DNAH5: variants seen among roughly 807,000 people sequenced by gnomAD.
DNAH5 encodes the protein axonemal beta dynein heavy chain 5.
In DNAH5, 372 loss-of-function variants were observed where a neutral mutation model predicts 518.2. The observed-to-expected ratio is 0.72, with a 90% CI of 0.66 to 0.78. The LOEUF is 0.78. Ranked by LOEUF, DNAH5 falls within the 30% of genes least tolerant of loss-of-function variation. DNAH5 has a pLI of 0.00. For synonymous variants in DNAH5, 2,039 were observed against 2,025.9 expected (o/e 1.01, Z -0.17); for missense variants, 5,523 against 5,687.0 (o/e 0.97, Z 0.93).
intron 69 of DNAH5, among the ~76,000 whole-genome samples, chr5:13,728,190 C>T (rs889247609): frequency 6.6e-6 from 1 of 152,162 alleles, no homozygotes; most frequent in Admixed American, 6.5e-5. Flanking sequence ...AATGATCAGA[C>T]ACCTGCTACC....
intron 31 of DNAH5, among the ~76,000 whole-genome samples, chr5:13,849,608 A>C (rs1304202805): frequency 1.3e-5 from 2 of 152,288 alleles, no homozygotes; most frequent in South Asian, 2.1e-4. Context: ...TCTAAGGTCC[A>C]TTTGTAGTTT....
At position 13,913,844 on chromosome 5, in the gene DNAH5, G is replaced by A. The variant is rs200494845; in HGVS notation, c.1435C>T (p.Arg479Cys). 6.6e-5 allele frequency: 106 copies of A among 1,613,542 alleles called. No individual in the cohort carries two copies. The highest frequency in any genetic ancestry group is 3.6e-4 in the South Asian group (33 of 91,076). Residue 479 changes from arginine (R) to cysteine (C), a missense_variant, in exon 11 of 79, where the codon CGC (arginine) becomes TGC (cysteine). Arg to Cys is a radical substitution (Grantham distance 180, BLOSUM62 -3). Transcript: ENST00000265104. Reference protein sequence around the residue: ...IFGKFETFHRRLAKIIDIFTT... With the variant: ...IFGKFETFHRCLAKIIDIFTT... ...AAGATGTCTATTATCTTGGCAAGGC[G>A]TCGGTGAAAAGTTTCGAATTTTCCA... is the stretch of plus-strand genomic sequence containing the variant.
rs777928542 is a variant in DNAH5, at chr5:13,737,350, C to T, written c.11357G>A (p.Ser3786Asn). 1.1e-5 allele frequency: 18 copies of T among 1,613,994 alleles called. No individual in the cohort carries two copies. The highest frequency in any genetic ancestry group is 1.7e-5 in the Admixed American group (1 of 59,992). ...CTCCTCGGCTGTCCTTTTTGTGTTA[C>T]TCAGCACGACAATGAGACTTTCATC... ...VEDESLIVVL[S>N]NTKRTAEEVT... The change falls in exon 66 of 79, where the codon AGT becomes AAT. Residue 3786 changes from serine to asparagine, a missense_variant. Coordinates refer to ENST00000265104, the MANE Select transcript of DNAH5 (RefSeq NM_001369.3).
chr5:13,885,651 A>G (rs1327363420), intron 18 of DNAH5, among the ~76,000 whole-genome samples: 2 of 152,198 alleles, frequency 1.3e-5, no homozygotes, highest in Non-Finnish European at 2.9e-5. Flanking sequence ...CTCCAAGGGG[A>G]ATTCCAGTCA....
At chr5:13,759,223 C>A (rs928237094) in intron 60 of DNAH5, among the ~76,000 whole-genome samples, 12 of 152,162 alleles carry the variant, frequency 7.9e-5, no homozygotes, top group African/African-American at 2.9e-4. Context: ...CTTTAAAGTG[C>A]CAGATAGTAA....
chr5:13,848,693 C>T (rs1412289269), intron 31 of DNAH5, among the ~76,000 whole-genome samples: 2 of 152,156 alleles, frequency 1.3e-5, no homozygotes, highest in Non-Finnish European at 2.9e-5. Flanking sequence ...CTCGCATGTG[C>T]AGTTCAGAAT....
chr5:13,885,862 T>C, intron 18 of DNAH5, 102 bp downstream of exon 18: 2 of 1,078,938 alleles, frequency 1.9e-6, no homozygotes, highest in Non-Finnish European at 2.8e-6. Context: ...ATCGAGAGGA[T>C]GTTTATAGAA....
At chr5:13,824,464 A>C (rs1762637485) in intron 38 of DNAH5, 131 bp from the exon 39 acceptor site, 2 of 823,642 alleles carry the variant, frequency 2.4e-6, no homozygotes, top group Admixed American at 4.2e-5. Context: ...GCATACACAC[A>C]ATGGGGTAAA....
chr5:13,850,416 C>T (rs1385327426), intron 31 of DNAH5, among the ~76,000 whole-genome samples: 1 of 152,204 alleles, frequency 6.6e-6, no homozygotes, highest in East Asian at 1.9e-4. Context: ...GATGTTTATA[C>T]AGTCTTATCC....
At chr5:13,802,366 C>G (rs1758891823) in intron 47 of DNAH5, among the ~76,000 whole-genome samples, 2 of 152,158 alleles carry the variant, frequency 1.3e-5, no homozygotes, top group African/African-American at 4.8e-5. Context: ...AGCCCTAAAC[C>G]TAGGGACAAT....
At position 13,907,705 on chromosome 5, in the gene DNAH5, A is replaced by T. The variant is rs1035122690; in HGVS notation, c.1644+3681T>A. Among the ~76,000 whole-genome samples, 3 of 152,110 alleles carry T rather than the reference A, an allele frequency of 2.0e-5. No homozygotes were observed. In the South Asian group the frequency reaches 6.2e-4, roughly 32 times the overall value. ...AAAATTGCACCAAAAAACTAAGCAC[A>T]ATTTATTCTTTGTGCATCCTAAGCT... On this transcript the variant is annotated intron_variant, in intron 12 of 78. Coordinates refer to ENST00000265104, the MANE Select transcript of DNAH5 (RefSeq NM_001369.3).
At chr5:13,826,574 C>T (rs1394137608) in intron 38 of DNAH5, among the ~76,000 whole-genome samples, 1 of 152,198 alleles carries the variant, frequency 6.6e-6, no homozygotes, top group Non-Finnish European at 1.5e-5. Context: ...TCCTTCCTGA[C>T]ACCACATGAA....
At chr5:13,717,196 T>C in intron 73 of DNAH5, 119 bp downstream of exon 73, 2 of 939,380 alleles carry the variant, frequency 2.1e-6, no homozygotes, top group South Asian at 1.4e-5. Flanking sequence ...GACTTAAAGA[T>C]GACTTTGCAA....
At chr5:13,746,228 A>T (rs1233550185) in intron 65 of DNAH5, among the ~76,000 whole-genome samples, 2 of 152,098 alleles carry the variant, frequency 1.3e-5, no homozygotes, top group African/African-American at 4.8e-5. Context: ...TCTTACTAGG[A>T]CAATGCTGTG....
intron 47 of DNAH5, among the ~76,000 whole-genome samples, chr5:13,802,187 T>G (rs1312579452): frequency 6.6e-6 from 1 of 152,214 alleles, no homozygotes; most frequent in East Asian, 1.9e-4. Flanking sequence ...CAGCATCTTA[T>G]GCAATTTATG....
intron 16 of DNAH5, among the ~76,000 whole-genome samples, chr5:13,892,886 C>T (rs557858218): frequency 3.0e-4 from 46 of 152,242 alleles, no homozygotes; most frequent in African/African-American, 1.1e-3. Context: ...TTATTTCTTA[C>T]ATCTATGTAA....
chr5:13,915,896 T>C (rs953357059), intron 9 of DNAH5, among the ~76,000 whole-genome samples: 2 of 152,118 alleles, frequency 1.3e-5, no homozygotes, highest in African/African-American at 4.8e-5. Flanking sequence ...TACTAGAACA[T>C]TGCAAGTGGC....
rs958618958 is a variant in DNAH5, at chr5:13,801,945, C to G, written c.7887+5646G>C. Among the ~76,000 whole-genome samples, 5 of 152,060 alleles carry G rather than the reference C, an allele frequency of 3.3e-5. No homozygotes were observed. The East Asian group carries it at 5.8e-4, about 18-fold the overall frequency. ...CCTTATTTATATATTTCTAGAGTAGCCATTTCTAAGCCAAAAAAAAATCTC... is the reference window on the plus strand; with the variant it reads ...CCTTATTTATATATTTCTAGAGTAGGCATTTCTAAGCCAAAAAAAAATCTC... On this transcript the variant is annotated intron_variant, in intron 47 of 78. Transcript: ENST00000265104.
rs371463953 is a variant in DNAH5 at position 13,830,040 on chromosome 5, G to A, written c.6235C>T (p.Leu2079Phe). The change falls in exon 37 of 79, where the codon CTT becomes TTT. Residue 2079 changes from leucine (L) to phenylalanine (F), a missense_variant. Leu to Phe is a conservative substitution (Grantham distance 22). This residue lies in a region of DNAH5 where 5,121 missense variants were observed against 5,223.3 expected (regional missense o/e 0.98). Coordinates refer to ENST00000265104, the MANE Select transcript of DNAH5 (RefSeq NM_001369.3). ...DNVTMNPEFG[L>F]FLTMNPGYAG... ...CAGCTCCTTACCATGGTTAAGAAAA[G>A]CCCAAATTCAGGGTTCATAGTCACA... 1.7e-4 allele frequency: 271 copies of A among 1,613,906 alleles called. No homozygotes were observed. The highest frequency in any genetic ancestry group is 2.2e-4 in the Non-Finnish European group (264 of 1,179,930).
Sources: gnomAD v4.1 joint callset for allele counts (sites outside exome capture counted in the v4.1 genomes callset) on GRCh38, gnomAD v4.1.1 for gene constraint, gnomAD v4.1.1 regional missense constraint, MANE v1.5 for transcripts, NCBI Gene and HGNC (gene_info 2026-07-23, HGNC 2026-07-21) for gene names.